The following SGPP2 variants were observed in gnomAD, a reference collection of about 807,000 sequenced individuals.
The protein encoded by SGPP2 is sphingosine 1-phosphate phosphohydrolase 2.
A neutral mutation model predicts 33.9 loss-of-function variants in SGPP2; 30 were observed. That is an observed-to-expected ratio of 0.89 (90% CI 0.66 to 1.20). The LOEUF is 1.20. Ranked by LOEUF, SGPP2 falls within the 50% of genes most tolerant of loss-of-function variation. SGPP2 has a pLI of 0.00. For missense variants in SGPP2, 458 were observed against 532.1 expected (o/e 0.86, Z 1.37); for synonymous variants, 233 against 225.0 (o/e 1.04, Z -0.32).
chr2:222,554,580 A>G (rs1385155880), intron 4 of SGPP2, among the ~76,000 whole-genome samples: 3 of 152,224 alleles, frequency 2.0e-5, no homozygotes, highest in Non-Finnish European at 4.4e-5. Context: ...TAAATGTTAT[A>G]CCATTTTGCA....
intron 2 of SGPP2, among the ~76,000 whole-genome samples, chr2:222,492,263 G>T (rs576177310): frequency 1.3e-5 from 2 of 152,170 alleles, no homozygotes; most frequent in South Asian, 4.1e-4. Context: ...CCTAACAGAG[G>T]TTCTCCATGA....
intron 1 of SGPP2, among the ~76,000 whole-genome samples, chr2:222,458,420 A>C (rs181887688): frequency 6.6e-6 from 1 of 152,248 alleles, no homozygotes; most frequent in East Asian, 1.9e-4. Context: ...CCAAGCCAGG[A>C]CAGCAGAGCA....
chr2:222,534,083 TGCATCTATA>T (rs1338703681), intron 4 of SGPP2, among the ~76,000 whole-genome samples: 2 of 152,340 alleles, frequency 1.3e-5, no homozygotes, highest in African/African-American at 4.8e-5. Flanking sequence ...ATATGCTCTC[TGCATCTATA>T]GCATGGCATT....
At chr2:222,536,709 G>A (rs542131087) in intron 4 of SGPP2, among the ~76,000 whole-genome samples, 9 of 152,082 alleles carry the variant, frequency 5.9e-5, no homozygotes, top group Admixed American at 3.3e-4. Context: ...AAATAAAATA[G>A]AATAAAAAAT....
chr2:222,487,114 C>T lies in SGPP2; in HGVS notation c.378+12388C>T, dbSNP rs530186456. Among the ~76,000 whole-genome samples the T allele has an allele frequency of 6.6e-5, 10 of 152,092 alleles. No individual in the cohort carries two copies. In the South Asian group the frequency reaches 1.5e-3, roughly 22 times the overall value. ...TAACTCATGATGAATGTGTGAGAAA[C>T]GGGATGGACATTGGAGAAGACTCAT... is the stretch of plus-strand genomic sequence containing the variant. On this transcript the variant is annotated intron_variant, in intron 2 of 4. Transcript: ENST00000321276.
At chr2:222,518,430 C>T (rs1388867514) in intron 2 of SGPP2, among the ~76,000 whole-genome samples, 1 of 152,152 alleles carries the variant, frequency 6.6e-6, no homozygotes, top group Non-Finnish European at 1.5e-5. Flanking sequence ...CCCTTATCCT[C>T]TCTGTTAGGA....
chr2:222,562,558 T>C lies in SGPP2; in HGVS notation c.*3660T>C, dbSNP rs1299707899. Among the ~76,000 whole-genome samples, 1 of 152,238 alleles carries C rather than the reference T, an allele frequency of 6.6e-6. No homozygotes were observed. Among genetic ancestry groups the C allele is most frequent in the East Asian group, 1.9e-4 (1 of 5,202 alleles). On this transcript the variant is annotated 3_prime_UTR_variant, in exon 5 of 5. Coordinates refer to ENST00000321276, the MANE Select transcript of SGPP2 (RefSeq NM_152386.4). ...AGCTGTCTTGCTTATGTACTGTATG[T>C]AAATTTATTCTTTTTAAAAATCACT... is the stretch of plus-strand genomic sequence containing the variant.
chr2:222,427,350 T>C (rs1045970813), intron 1 of SGPP2, among the ~76,000 whole-genome samples: 1 of 152,296 alleles, frequency 6.6e-6, no homozygotes, highest in East Asian at 1.9e-4. Context: ...ATCTTCCACA[T>C]CCTGGACTCC....
chr2:222,436,593 T>A (rs1038787260), intron 1 of SGPP2, among the ~76,000 whole-genome samples: 1 of 152,178 alleles, frequency 6.6e-6, no homozygotes, highest in Non-Finnish European at 1.5e-5. Context: ...ATGAGCCCAC[T>A]GCCATACTTC....
intron 1 of SGPP2, among the ~76,000 whole-genome samples, chr2:222,459,365 G>C (rs1192573022): frequency 6.6e-6 from 1 of 151,804 alleles, no homozygotes; most frequent in Non-Finnish European, 1.5e-5. Context: ...GGCCAGGCTG[G>C]TCTCAAACTC....
chr2:222,462,622 A>G (rs1438003439), intron 1 of SGPP2, among the ~76,000 whole-genome samples: 1 of 152,188 alleles, frequency 6.6e-6, no homozygotes, highest in Non-Finnish European at 1.5e-5. Context: ...AAGATTTTCG[A>G]TCTTAATCGC....
chr2:222,547,483 G>A (rs1376632162), intron 4 of SGPP2, among the ~76,000 whole-genome samples: 1 of 152,160 alleles, frequency 6.6e-6, no homozygotes, highest in Admixed American at 6.6e-5. Flanking sequence ...TAGATTCTGT[G>A]AAGTCAAGAC....
chr2:222,448,092 T>C (rs1362612113), intron 1 of SGPP2, among the ~76,000 whole-genome samples: 1 of 152,190 alleles, frequency 6.6e-6, no homozygotes, highest in Non-Finnish European at 1.5e-5. Context: ...TAGGTTGGAC[T>C]CCGAAGCACA....
intron 2 of SGPP2, among the ~76,000 whole-genome samples, chr2:222,490,791 G>A (rs1698185612): frequency 1.3e-5 from 2 of 152,080 alleles, no homozygotes; most frequent in Admixed American, 1.3e-4. Flanking sequence ...GAGAAGACAG[G>A]CATGAGCCTT....
intron 2 of SGPP2, among the ~76,000 whole-genome samples, chr2:222,500,657 T>TA (rs1396151414): frequency 2.0e-5 from 3 of 152,194 alleles, no homozygotes; most frequent in South Asian, 2.1e-4. Flanking sequence ...GATTAGCAGA[T>TA]ACACATCCAG....
intron 1 of SGPP2, among the ~76,000 whole-genome samples, chr2:222,425,030 A>G (rs570986732): frequency 1.3e-5 from 2 of 152,218 alleles, no homozygotes; most frequent in South Asian, 4.1e-4. Context: ...AACCGGGTCT[A>G]TTGAGATATC....
intron 4 of SGPP2, among the ~76,000 whole-genome samples, chr2:222,546,859 T>G (rs1689211018): frequency 6.8e-6 from 1 of 146,694 alleles, no homozygotes; most frequent in Non-Finnish European, 1.5e-5. Context: ...TGCCAGAAGC[T>G]CTGATGTGTC....
chr2:222,487,727 C>T (rs1698133451), intron 2 of SGPP2, among the ~76,000 whole-genome samples: 2 of 152,162 alleles, frequency 1.3e-5, no homozygotes, highest in Non-Finnish European at 2.9e-5. Flanking sequence ...ATCCATCCTC[C>T]TCCTGTCCAG....
rs1011206958 is a variant in SGPP2, at chr2:222,560,961, C to T, written c.*2063C>T. ...CTACTGAAAATACAAAAAAATTAGC[C>T]GGACGTGGTGGAGGGCGCCTGTAGT... On this transcript the variant is annotated 3_prime_UTR_variant, in exon 5 of 5. Coordinates refer to ENST00000321276, the MANE Select transcript of SGPP2 (RefSeq NM_152386.4). The T allele has an allele frequency of 1.3e-5, 2 of 152,078 alleles. No individual in the cohort carries two copies. Among genetic ancestry groups the T allele is most frequent in the Non-Finnish European group, 2.9e-5 (2 of 68,068 alleles). 9.4% of individuals were successfully genotyped at this position (152,078 alleles called of 1,614,324 possible).
Sources: allele counts gnomAD v4.1 joint callset (sites outside exome capture counted in the v4.1 genomes callset), GRCh38; gene constraint gnomAD v4.1.1; transcripts MANE v1.5; gene names NCBI Gene and HGNC (gene_info 2026-07-23, HGNC 2026-07-21).